The following PDE4D variants were observed in gnomAD, a reference collection of about 807,000 sequenced individuals.
The protein encoded by PDE4D is phosphodiesterase 4D, also known as 3',5'-cyclic-AMP phosphodiesterase 4D.
In PDE4D, 24 loss-of-function variants were observed where a neutral mutation model predicts 87.4. That is an observed-to-expected ratio of 0.27 (90% CI 0.20 to 0.39). The LOEUF (loss-of-function observed/expected upper bound fraction) is 0.39. Among genes scored for constraint, PDE4D ranks in the 10% least tolerant of loss-of-function variants. The pLI is 1.00. For missense variants in PDE4D, 714 were observed against 1,041.0 expected, an observed-to-expected ratio of 0.69 and a Z score of 4.32; for synonymous variants, 384 against 383.2, an observed-to-expected ratio of 1.00 and a Z score of -0.02.
intron 1 of PDE4D, among the ~76,000 whole-genome samples, chr5:60,479,511 C>G (rs1748569394): frequency 6.6e-6 from 1 of 152,132 alleles, no homozygotes; most frequent in South Asian, 2.1e-4. Context: ...ATTGAATAGG[C>G]AGGTTAGTGG....
intron 1 of PDE4D, among the ~76,000 whole-genome samples, chr5:59,368,785 C>G (rs1478815846): frequency 6.6e-6 from 1 of 152,150 alleles, no homozygotes; most frequent in Non-Finnish European, 1.5e-5. Context: ...CTTCACTTTG[C>G]CTGTCAGTGT....
At chr5:60,364,495 A>C (rs139923589) in intron 1 of PDE4D, among the ~76,000 whole-genome samples, 108 of 152,318 alleles carry the variant, frequency 7.1e-4, no homozygotes, top group African/African-American at 2.3e-3. Context: ...TTAATTGTAA[A>C]TTAATACATT....
At chr5:58,987,159 C>A (rs1354287361) in intron 11 of PDE4D, among the ~76,000 whole-genome samples, 1 of 152,024 alleles carries the variant, frequency 6.6e-6, no homozygotes, top group East Asian at 1.9e-4. Context: ...AATGAACCCT[C>A]CCCACTGATA....
At chr5:59,752,971 G>A (rs973007023) in intron 1 of PDE4D, among the ~76,000 whole-genome samples, 2 of 152,124 alleles carry the variant, frequency 1.3e-5, no homozygotes, top group African/African-American at 4.8e-5. Context: ...ATTTGTTTTT[G>A]CAAATACAGT....
At chr5:60,352,294 T>C (rs991241347) in intron 1 of PDE4D, among the ~76,000 whole-genome samples, 3 of 152,186 alleles carry the variant, frequency 2.0e-5, no homozygotes, top group Admixed American at 6.5e-5. Flanking sequence ...ACTGGACAGT[T>C]TGCATTTCTC....
intron 1 of PDE4D, among the ~76,000 whole-genome samples, chr5:59,655,175 A>G (rs1252070330): frequency 1.3e-5 from 2 of 152,174 alleles, no homozygotes; most frequent in Non-Finnish European, 2.9e-5. Context: ...AAAAAAATTA[A>G]TGCCAAATTC....
chr5:59,226,605 T>C (rs1482605141), intron 1 of PDE4D, among the ~76,000 whole-genome samples: 2 of 152,316 alleles, frequency 1.3e-5, no homozygotes. Flanking sequence ...TAATGTACTA[T>C]ACACTTAAAA....
chr5:60,239,122 C>T (rs887388134), intron 1 of PDE4D, among the ~76,000 whole-genome samples: 4 of 152,044 alleles, frequency 2.6e-5, no homozygotes, highest in Non-Finnish European at 5.9e-5. Flanking sequence ...CACCTTTACA[C>T]CTACATTCCA....
At chr5:59,200,397 A>G (rs1221594640) in intron 2 of PDE4D, among the ~76,000 whole-genome samples, 6 of 18,334 alleles carry the variant, frequency 3.3e-4, no homozygotes, top group African/African-American at 2.0e-3. Context: ...ACGTGTATGT[A>G]CAGCTACACG....
At chr5:59,857,181 A>T (rs1193227754) in intron 1 of PDE4D, among the ~76,000 whole-genome samples, 2 of 152,200 alleles carry the variant, frequency 1.3e-5, no homozygotes, top group African/African-American at 2.4e-5. Context: ...AAAGCTACAG[A>T]TCTACATCTC....
intron 1 of PDE4D, among the ~76,000 whole-genome samples, chr5:60,450,550 T>G (rs1746020131): frequency 6.6e-6 from 1 of 152,004 alleles, no homozygotes. Flanking sequence ...TGTGGAACAA[T>G]TAAATAACAC....
At chr5:59,765,398 C>T (rs1436034250) in intron 1 of PDE4D, among the ~76,000 whole-genome samples, 1 of 152,194 alleles carries the variant, frequency 6.6e-6, no homozygotes, top group African/African-American at 2.4e-5. Flanking sequence ...TCTAAGAATT[C>T]AACCATGGCA....
At chr5:59,066,527 T>C (rs79124784) in intron 5 of PDE4D, among the ~76,000 whole-genome samples, 1 of 152,220 alleles carries the variant, frequency 6.6e-6, no homozygotes, top group East Asian at 1.9e-4. Context: ...GCTGCAGAGA[T>C]GGGCTGGAGA....
At chr5:60,358,416 T>C (rs1046516716) in intron 1 of PDE4D, among the ~76,000 whole-genome samples, 1 of 152,206 alleles carries the variant, frequency 6.6e-6, no homozygotes, top group African/African-American at 2.4e-5. Context: ...CCATCTTGGG[T>C]AGCTGGCAGA....
In PDE4D at chr5:59,928,910, CAT is replaced by C. The variant is rs1360190168; in HGVS notation, c.272+59576_272+59577del. Among the ~76,000 whole-genome samples, 7 of 149,608 alleles carry C rather than the reference CAT, an allele frequency of 4.7e-5. No homozygotes were observed. The East Asian group carries it at 1.2e-3, about 25-fold the overall frequency. Reference sequence around the variant, plus strand: ...ATATATCCATTTCTATATATTAGATCATATATATATCCCTACTCATTTCTGCA... The same window carrying C: ...ATATATCCATTTCTATATATTAGATCATATATATCCCTACTCATTTCTGCA... On this transcript the variant is annotated intron_variant, in intron 3 of 16. Coordinates refer to the PDE4D transcript ENST00000502484.
At chr5:60,178,445 A>G (rs537586601) in intron 2 of PDE4D, among the ~76,000 whole-genome samples, 64 of 152,260 alleles carry the variant, frequency 4.2e-4, no homozygotes, top group African/African-American at 1.5e-3. Context: ...AGAAAAAAAA[A>G]CAATTGGAAA....
intron 5 of PDE4D, chr5:59,179,502 A>G: frequency 3.2e-6 from 1 of 313,204 alleles, no homozygotes; most frequent in Middle Eastern, 5.6e-4. Flanking sequence ...ATGTTGAAAG[A>G]GAAACATGAA....
chr5:60,220,243 T>C (rs1399575631), intron 1 of PDE4D, among the ~76,000 whole-genome samples: 2 of 152,082 alleles, frequency 1.3e-5, no homozygotes, highest in Non-Finnish European at 2.9e-5. Context: ...ATGAAAAAGG[T>C]AAAGGACTCC....
At chr5:59,762,270 G>C (rs1407789339) in intron 1 of PDE4D, among the ~76,000 whole-genome samples, 1 of 33,334 alleles carries the variant, frequency 3.0e-5, no homozygotes, top group Admixed American at 2.1e-4. Context: ...GCGTATATGT[G>C]TATATGGGTA....
Sources: allele counts gnomAD v4.1 joint callset (sites outside exome capture counted in the v4.1 genomes callset), GRCh38; gene constraint gnomAD v4.1.1; transcripts MANE v1.5; gene names NCBI Gene and HGNC (gene_info 2026-07-23, HGNC 2026-07-21).